Variants in SOX6 observed in about 807,000 individuals in gnomAD.
SOX6 encodes SRY-box transcription factor 6, also known as transcription factor SOX-6.
Under a neutral mutation model 97.8 loss-of-function variants are expected in SOX6, and 11 were observed. The observed-to-expected ratio is 0.11, with a 90% CI of 0.07 to 0.19. SOX6 has a LOEUF of 0.19. SOX6 is among the 10% of genes least tolerant of loss of function. The probability of loss-of-function intolerance (pLI) is 1.00; values close to 1 mark genes in which losing one functional copy is unlikely to be tolerated. For missense variants in SOX6, 810 were observed against 1,039.5 expected (o/e 0.78, Z 3.04); for synonymous variants, 360 against 371.4 (o/e 0.97, Z 0.35).
chr11:16,729,335 C>T lies in SOX6; in HGVS notation n.353+7004G>A, dbSNP rs1422979949. ...TGTTAAGGGCAGCCAGAGAGAAAGG[C>T]TGGGTTACCCACAAAGGGAAGCCCA... is the stretch of plus-strand genomic sequence containing the variant. On this transcript the variant is annotated intron_variant and non_coding_transcript_variant, in intron 2 of 5. Coordinates refer to the SOX6 transcript ENST00000524520. Among the ~76,000 whole-genome samples, 8 of 152,082 alleles carry T rather than the reference C, an allele frequency of 5.3e-5. No homozygotes were observed. The South Asian group carries it at 6.2e-4, about 12-fold the overall frequency.
intron 3 of SOX6, among the ~76,000 whole-genome samples, chr11:16,690,283 C>T (rs909451269): frequency 2.0e-5 from 3 of 152,160 alleles, no homozygotes; most frequent in Non-Finnish European, 4.4e-5. Context: ...TACATCATTC[C>T]TCTCTCTGTG....
intron 13 of SOX6, among the ~76,000 whole-genome samples, chr11:16,001,020 C>A (rs1854392326): frequency 6.8e-6 from 1 of 146,750 alleles, no homozygotes. Flanking sequence ...CTGTACCCAG[C>A]TAATTTTTTT....
At chr11:16,727,735 G>C (rs945925371) in intron 2 of SOX6, among the ~76,000 whole-genome samples, 4 of 152,002 alleles carry the variant, frequency 2.6e-5, no homozygotes, top group Non-Finnish European at 2.9e-5. Flanking sequence ...ACCACATCCA[G>C]AGACATATTA....
At chr11:16,603,826 TA>T (rs540607929) in intron 4 of SOX6, among the ~76,000 whole-genome samples, 1,686 of 151,430 alleles carry the variant, frequency 0.011, 23 homozygotes, top group African/African-American at 0.039. Context: ...AAGAAAAGAT[TA>T]AAAAAAAATC....
chr11:16,522,373 C>A (rs1350297678), intron 4 of SOX6, among the ~76,000 whole-genome samples: 2 of 151,980 alleles, frequency 1.3e-5, no homozygotes, highest in Non-Finnish European at 2.9e-5. Context: ...TCATATCCAG[C>A]CAAACTAAGC....
intron 2 of SOX6, among the ~76,000 whole-genome samples, chr11:16,332,347 T>C (rs989995585): frequency 5.9e-5 from 9 of 152,158 alleles, no homozygotes; most frequent in Admixed American, 4.6e-4. Context: ...ATATAAATAT[T>C]TGAATTATTC....
At position 16,561,374 on chromosome 11, in the gene SOX6, C is replaced by T. The variant is rs563340463; in HGVS notation, n.609+50707G>A. Among the ~76,000 whole-genome samples, 3 of 152,184 alleles carry T rather than the reference C, an allele frequency of 2.0e-5. No individual in the cohort carries two copies. In the South Asian group the frequency reaches 6.2e-4, roughly 32 times the overall value. Reference sequence around the variant, plus strand: ...TACTGTAAATAAACATACACACACCCACAAACCCAGACACCTCCTAAGATA... The same window carrying T: ...TACTGTAAATAAACATACACACACCTACAAACCCAGACACCTCCTAAGATA... On this transcript the variant is annotated intron_variant and non_coding_transcript_variant, in intron 4 of 5. Transcript: ENST00000524520.
rs1398157065 is a variant in SOX6 at position 16,613,650 on chromosome 11, C to T, written n.430-1390G>A. 6.6e-6 allele frequency among the ~76,000 whole-genome samples: 1 copy of T among 152,184 alleles called. No individual in the cohort carries two copies. Among genetic ancestry groups the T allele is most frequent in the African/African-American group, 2.4e-5 (1 of 41,444 alleles). ...GAGCACACACACACGCACGCACACA[C>T]ACAGACACGCGCGTATTCTGAAATT... On this transcript the variant is annotated intron_variant and non_coding_transcript_variant, in intron 3 of 5. Coordinates refer to the SOX6 transcript ENST00000524520. This position sits in a 1 kb window ranked among gnomAD's most constrained non-coding sequence, Gnocchi z 4.6.
chr11:16,701,380 G>T (rs958849118), intron 3 of SOX6, among the ~76,000 whole-genome samples: 1 of 152,046 alleles, frequency 6.6e-6, no homozygotes, highest in African/African-American at 2.4e-5. Context: ...TTATGTTAAG[G>T]AACTGGTAGA....
intron 4 of SOX6, among the ~76,000 whole-genome samples, chr11:16,568,349 G>T (rs1018452338): frequency 6.6e-6 from 1 of 152,056 alleles, no homozygotes; most frequent in Non-Finnish European, 1.5e-5. Context: ...AGACACAAAA[G>T]GTTATATATT....
intron 9 of SOX6, among the ~76,000 whole-genome samples, chr11:16,087,853 A>G (rs1848610032): frequency 6.6e-6 from 1 of 152,044 alleles, no homozygotes; most frequent in Non-Finnish European, 1.5e-5. Flanking sequence ...CACTATGTAA[A>G]ATAGGTGTTC....
chr11:16,575,127 A>G (rs2133201341), intron 4 of SOX6, among the ~76,000 whole-genome samples: 1 of 152,258 alleles, frequency 6.6e-6, no homozygotes, highest in South Asian at 2.1e-4. Flanking sequence ...AAATCTACCT[A>G]ATCAATAGCT....
At chr11:16,111,528 G>T (rs1195219566) in intron 7 of SOX6, among the ~76,000 whole-genome samples, 2 of 152,150 alleles carry the variant, frequency 1.3e-5, no homozygotes, top group African/African-American at 4.8e-5. Context: ...GTATGAGAGA[G>T]AGCTGACAAA....
At chr11:16,587,418 A>C (rs1260484888) in intron 4 of SOX6, among the ~76,000 whole-genome samples, 2 of 152,192 alleles carry the variant, frequency 1.3e-5, no homozygotes, top group Non-Finnish European at 2.9e-5. Flanking sequence ...ACAACATATC[A>C]AGTACTGTTC....
intron 3 of SOX6, among the ~76,000 whole-genome samples, chr11:16,692,918 T>C (rs1002002812): frequency 6.6e-6 from 1 of 152,222 alleles, no homozygotes; most frequent in African/African-American, 2.4e-5. Context: ...CTGAATCATA[T>C]GAAATTGATG....
rs1848387087 is a variant in SOX6, at chr11:16,610,753, C to T, written n.609+1328G>A. ...GGCGGGGGTGCCATCTAAGGGTTTCCTCTAAAGCCTCGGGCGCTGGCTATA... is the reference window on the plus strand; with the variant it reads ...GGCGGGGGTGCCATCTAAGGGTTTCTTCTAAAGCCTCGGGCGCTGGCTATA... On this transcript the variant is annotated intron_variant and non_coding_transcript_variant, in intron 4 of 5. Transcript: ENST00000524520. The surrounding 1 kb of genome is among the most constrained non-coding windows in gnomAD (Gnocchi z 4.4). 6.6e-6 allele frequency among the ~76,000 whole-genome samples: 1 copy of T among 152,170 alleles called. No individual in the cohort carries two copies. Among genetic ancestry groups the T allele is most frequent in the Non-Finnish European group, 1.5e-5 (1 of 68,032 alleles).
At chr11:16,449,940 TATAGCACTA>T (rs1160840263) in intron 1 of SOX6, among the ~76,000 whole-genome samples, 2 of 152,210 alleles carry the variant, frequency 1.3e-5, no homozygotes, top group African/African-American at 4.8e-5. Flanking sequence ...TGCTAAATAC[TATAGCACTA>T]TCAATAATAT....
intron 15 of SOX6, among the ~76,000 whole-genome samples, chr11:15,982,613 A>G (rs1394610728): frequency 6.6e-6 from 1 of 152,082 alleles, no homozygotes; most frequent in African/African-American, 2.4e-5. Context: ...ATAATAGCTA[A>G]TACAATATAA....
intron 4 of SOX6, among the ~76,000 whole-genome samples, chr11:16,577,877 GT>G (rs1197496804): frequency 7.9e-5 from 12 of 152,084 alleles, no homozygotes; most frequent in African/African-American, 2.9e-4. Context: ...TCCATGGGTT[GT>G]CTTTTAACTT....
Sources: allele counts gnomAD v4.1 joint callset (sites outside exome capture counted in the v4.1 genomes callset), GRCh38; gene constraint gnomAD v4.1.1; non-coding constraint Gnocchi (gnomAD v3.1); transcripts MANE v1.5; gene names NCBI Gene and HGNC (gene_info 2026-07-23, HGNC 2026-07-21).